The following CADM2 variants were observed in gnomAD, a reference collection of about 807,000 sequenced individuals.
CADM2 encodes cell adhesion molecule 2.
CADM2 carries 12 observed loss-of-function variants against 49.8 expected under a neutral mutation model. The observed-to-expected ratio is 0.24, with a 90% CI of 0.15 to 0.39. The LOEUF (loss-of-function observed/expected upper bound fraction) is 0.39. CADM2 is among the 10% of genes least tolerant of loss of function. CADM2 has a pLI of 1.00. For synonymous variants in CADM2, 214 were observed against 175.4 expected (o/e 1.22, Z -1.74); for missense variants, 378 against 492.3 (o/e 0.77, Z 2.20).
chr3:85,565,032 C>T (rs1310595864), intron 1 of CADM2, among the ~76,000 whole-genome samples: 1 of 152,016 alleles, frequency 6.6e-6, no homozygotes, highest in Non-Finnish European at 1.5e-5. Flanking sequence ...GAAAGTTGGA[C>T]AAGGACTCAC....
chr3:85,399,115 C>G (rs1022385511), intron 1 of CADM2, among the ~76,000 whole-genome samples: 1 of 152,104 alleles, frequency 6.6e-6, no homozygotes, highest in African/African-American at 2.4e-5. Flanking sequence ...AGGTTTTCTT[C>G]TAGGGTTTTT....
intron 3 of CADM2, among the ~76,000 whole-genome samples, chr3:85,812,039 G>A (rs1052044738): frequency 1.3e-5 from 2 of 152,022 alleles, no homozygotes; most frequent in African/African-American, 2.4e-5. Flanking sequence ...ATATTGCTAT[G>A]CCCTGGGAAT....
intron 1 of CADM2, among the ~76,000 whole-genome samples, chr3:85,512,351 TC>T (rs2040657587): frequency 1.3e-5 from 2 of 152,104 alleles, no homozygotes; most frequent in Admixed American, 1.3e-4. Flanking sequence ...ATGATTTTGT[TC>T]TTTTTTATGG....
intron 1 of CADM2, among the ~76,000 whole-genome samples, chr3:85,612,066 G>A (rs1160892016): frequency 6.6e-6 from 1 of 151,746 alleles, no homozygotes; most frequent in Non-Finnish European, 1.5e-5. Context: ...ATAGGAAATG[G>A]AATTAAGTAT....
At chr3:85,008,440 T>C (rs1208591651) in intron 1 of CADM2, among the ~76,000 whole-genome samples, 4 of 152,058 alleles carry the variant, frequency 2.6e-5, no homozygotes. Context: ...CTGGTGCAAA[T>C]TGTGAGGGCG....
At chr3:85,870,639 C>T (rs1407938269) in intron 3 of CADM2, among the ~76,000 whole-genome samples, 1 of 152,078 alleles carries the variant, frequency 6.6e-6, no homozygotes, top group African/African-American at 2.4e-5. Context: ...TTTCTTTATC[C>T]ATTCTACCAA....
chr3:85,554,290 C>G (rs2061893160), intron 1 of CADM2, among the ~76,000 whole-genome samples: 1 of 152,146 alleles, frequency 6.6e-6, no homozygotes, highest in Non-Finnish European at 1.5e-5. Flanking sequence ...AATCTAATGC[C>G]GCCCCTGAAT....
intron 1 of CADM2, among the ~76,000 whole-genome samples, chr3:85,635,545 A>G (rs1313597923): frequency 3.9e-5 from 6 of 152,156 alleles, no homozygotes; most frequent in Non-Finnish European, 8.8e-5. Context: ...TGCATGTTCA[A>G]ATATTACAAC....
At chr3:85,161,341 A>G (rs2040315369) in intron 1 of CADM2, among the ~76,000 whole-genome samples, 2 of 152,138 alleles carry the variant, frequency 1.3e-5, no homozygotes, top group African/African-American at 4.8e-5. Context: ...TGTAGAATCT[A>G]TGAGGAGGTC....
intron 1 of CADM2, among the ~76,000 whole-genome samples, chr3:85,242,038 TAA>T (rs2042542867): frequency 1.3e-5 from 2 of 150,688 alleles, no homozygotes; most frequent in Admixed American, 1.3e-4. Flanking sequence ...CTTATAAGAT[TAA>T]GGAAATCAGA....
At chr3:85,426,686 T>C (rs1271401409) in intron 1 of CADM2, among the ~76,000 whole-genome samples, 1 of 152,126 alleles carries the variant, frequency 6.6e-6, no homozygotes, top group Non-Finnish European at 1.5e-5. Context: ...TTATTGACTA[T>C]AGTCACCCAG....
chr3:85,319,893 A>G (rs1277104440), intron 1 of CADM2, among the ~76,000 whole-genome samples: 2 of 152,204 alleles, frequency 1.3e-5, no homozygotes, highest in Non-Finnish European at 2.9e-5. Context: ...GTTCTATTTA[A>G]CAAACCTACA....
At chr3:85,798,573 G>A (rs1261044404) in intron 2 of CADM2, among the ~76,000 whole-genome samples, 3 of 152,126 alleles carry the variant, frequency 2.0e-5, no homozygotes, top group Non-Finnish European at 4.4e-5. Flanking sequence ...AAGATCAGAT[G>A]GTTGTAGATG....
chr3:85,150,675 T>C (rs1041268915), intron 1 of CADM2, among the ~76,000 whole-genome samples: 1 of 151,156 alleles, frequency 6.6e-6, no homozygotes, highest in Non-Finnish European at 1.5e-5. Flanking sequence ...GAGGCTGAGG[T>C]GGGTGGATCA....
chr3:85,224,926 T>C (rs1164852691), intron 1 of CADM2, among the ~76,000 whole-genome samples: 1 of 152,188 alleles, frequency 6.6e-6, no homozygotes, highest in Non-Finnish European at 1.5e-5. Flanking sequence ...TGTGGTGTTA[T>C]TCCTGAGGCC....
chr3:85,189,309 G>T (rs952676026), intron 1 of CADM2, among the ~76,000 whole-genome samples: 2 of 151,898 alleles, frequency 1.3e-5, no homozygotes, highest in African/African-American at 2.4e-5. Flanking sequence ...CATTCCAGGA[G>T]TTGAAGTTGC....
At chr3:85,590,483 AGT>A (rs1174159214) in intron 1 of CADM2, among the ~76,000 whole-genome samples, 2 of 152,016 alleles carry the variant, frequency 1.3e-5, no homozygotes, top group Non-Finnish European at 2.9e-5. Context: ...GGCATGTTAG[AGT>A]GTTTTGAAAG....
At chr3:85,736,502 G>A (rs113547320) in intron 2 of CADM2, among the ~76,000 whole-genome samples, 2 of 152,186 alleles carry the variant, frequency 1.3e-5, no homozygotes, top group African/African-American at 4.8e-5. Context: ...TCAAGGGAAT[G>A]TCAGCAGGGG....
At position 85,704,764 on chromosome 3, in the gene CADM2, C is replaced by T. The variant is rs575818293; in HGVS notation, c.62-21758C>T. On this transcript the variant is annotated intron_variant, in intron 1 of 9. Transcript: ENST00000383699. ...ATAGGTACACATTCAGATACATATGCATAATTATATTTATACCATTAAAAA... is the reference window on the plus strand; with the variant it reads ...ATAGGTACACATTCAGATACATATGTATAATTATATTTATACCATTAAAAA... Among the ~76,000 whole-genome samples, 215 of 152,014 alleles carry T rather than the reference C, an allele frequency of 1.4e-3. 1 individual carries two copies. The Middle Eastern group carries it at 0.02, about 14-fold the overall frequency.
Sources: allele counts gnomAD v4.1 joint callset (sites outside exome capture counted in the v4.1 genomes callset), GRCh38; gene constraint gnomAD v4.1.1; transcripts MANE v1.5; gene names NCBI Gene and HGNC (gene_info 2026-07-23, HGNC 2026-07-21).